Variants in OTUD7A observed in about 807,000 individuals in gnomAD.
OTUD7A encodes OTU domain-containing protein 7A.
In OTUD7A, 12 loss-of-function variants were observed where a neutral mutation model predicts 65.7. That is an observed-to-expected ratio of 0.18 (90% CI 0.12 to 0.30). The LOEUF is 0.30. OTUD7A is among the 10% of genes least tolerant of loss of function. The pLI is 1.00. For synonymous variants in OTUD7A, 641 were observed against 586.3 expected (o/e 1.09, Z -1.35); for missense variants, 1,148 against 1,304.8 (o/e 0.88, Z 1.85).
At chr15:31,694,933 C>T (rs1195225935) in intron 1 of OTUD7A, among the ~76,000 whole-genome samples, 1 of 151,950 alleles carries the variant, frequency 6.6e-6, no homozygotes, top group Non-Finnish European at 1.5e-5. Flanking sequence ...GCAAGCTCCG[C>T]CTGCTGGGTT....
At chr15:31,862,076 C>G (rs554613637) in intron 1 of OTUD7A, among the ~76,000 whole-genome samples, 7 of 152,182 alleles carry the variant, frequency 4.6e-5, no homozygotes, top group African/African-American at 1.4e-4. Context: ...AATGCCAAGA[C>G]CACCCTCTCT....
intron 1 of OTUD7A, among the ~76,000 whole-genome samples, chr15:31,672,402 G>C (rs562981472): frequency 1.2e-4 from 19 of 152,242 alleles, no homozygotes; most frequent in East Asian, 1.9e-4. Flanking sequence ...TATTTGAATG[G>C]AGTTAAAAAG....
At chr15:31,549,133 C>T (rs1399764391) in intron 5 of OTUD7A, among the ~76,000 whole-genome samples, 1 of 124,110 alleles carries the variant, frequency 8.1e-6, no homozygotes, top group Non-Finnish European at 1.6e-5. Flanking sequence ...GAGGCCTTGT[C>T]TCAAAAAAAA....
intron 1 of OTUD7A, chr15:31,689,436 C>T (rs992845387): frequency 6.8e-6 from 1 of 147,738 alleles, no homozygotes; most frequent in African/African-American, 2.5e-5. Context: ...CTGGAAATGG[C>T]CCATTGTTGC....
Position 31,484,819 on chromosome 15 carries a change from C to G in OTUD7A, c.1372-95G>C. The stretch of plus-strand genomic sequence containing the variant: ...ACACCTTGCCCCTGTGTTGCCGAGG[C>G]TAGGGCCCTGGACCTTCACTGTCCC... On this transcript the variant is annotated intron_variant, in intron 12 of 12. Coordinates refer to ENST00000307050, the MANE Select transcript of OTUD7A (RefSeq NM_001382637.1). The surrounding 1 kb of genome is among the most constrained non-coding windows in gnomAD (Gnocchi z 4.5). 1 of 1,496,308 alleles carries G rather than the reference C, an allele frequency of 6.7e-7. No individual in the cohort carries two copies. The highest frequency in any genetic ancestry group is 8.9e-7 in the Non-Finnish European group (1 of 1,125,954). 92.7% of individuals were successfully genotyped at this position (1,496,308 alleles called of 1,614,324 possible). A position where few individuals can be genotyped will look rare whatever the true frequency, so the allele number is the denominator to read the frequency against.
At chr15:31,587,120 ACT>A (rs1362993955) in intron 3 of OTUD7A, among the ~76,000 whole-genome samples, 25 of 151,774 alleles carry the variant, frequency 1.6e-4, no homozygotes, top group Admixed American at 1.6e-3. Context: ...ATCATGCTTG[ACT>A]CTGTTCTTAC....
At chr15:31,603,546 G>C (rs1566939498) in intron 3 of OTUD7A, among the ~76,000 whole-genome samples, 1 of 152,002 alleles carries the variant, frequency 6.6e-6, no homozygotes, top group African/African-American at 2.4e-5. Flanking sequence ...AAAGACTTCA[G>C]GTCTAAAACA....
chr15:31,860,643 ATGTATGTATGTGTG>A (rs1206873555), intron 1 of OTUD7A, among the ~76,000 whole-genome samples: 364 of 113,974 alleles, frequency 3.2e-3, no homozygotes, highest in South Asian at 6.4e-3. Context: ...ATATATATAT[ATGTATGTATGTGTG>A]TATATATAGA....
chr15:31,561,622 T>G (rs1270910878), intron 4 of OTUD7A, among the ~76,000 whole-genome samples: 1 of 152,090 alleles, frequency 6.6e-6, no homozygotes, highest in Non-Finnish European at 1.5e-5. Flanking sequence ...GTTCTAAACA[T>G]GAAATATTTG....
chr15:31,651,615 A>G (rs1221638007), intron 3 of OTUD7A, among the ~76,000 whole-genome samples: 1 of 128,926 alleles, frequency 7.8e-6, no homozygotes, highest in East Asian at 2.9e-4. Flanking sequence ...ACACACACAC[A>G]CACAGCCCTC....
chr15:31,630,498 T>A (rs1274852531), intron 3 of OTUD7A, among the ~76,000 whole-genome samples: 5 of 152,122 alleles, frequency 3.3e-5, no homozygotes, highest in Admixed American at 3.3e-4. Flanking sequence ...TGCTGAGGAG[T>A]GCTTTACTTC....
At chr15:31,868,124 G>A (rs907736831) in intron 1 of OTUD7A, among the ~76,000 whole-genome samples, 1 of 152,192 alleles carries the variant, frequency 6.6e-6, no homozygotes, top group African/African-American at 2.4e-5. Context: ...AAGAAAATCA[G>A]GGCAATTTTT....
At chr15:31,570,717 T>C (rs555241878) in intron 3 of OTUD7A, among the ~76,000 whole-genome samples, 47 of 152,330 alleles carry the variant, frequency 3.1e-4, no homozygotes, top group African/African-American at 1.1e-3. Context: ...GATAGGCTTC[T>C]GAGCTCAGGC....
chr15:31,831,624 C>T (rs564048251), intron 1 of OTUD7A, among the ~76,000 whole-genome samples: 2 of 152,332 alleles, frequency 1.3e-5, no homozygotes, highest in African/African-American at 4.8e-5. Flanking sequence ...TGACCCGATA[C>T]CATTCCTAGG....
intron 1 of OTUD7A, among the ~76,000 whole-genome samples, chr15:31,801,561 C>T (rs958246172): frequency 1.3e-5 from 2 of 152,094 alleles, no homozygotes; most frequent in Non-Finnish European, 2.9e-5. Flanking sequence ...ATTTTTGGTG[C>T]AATAATAACA....
chr15:31,730,781 T>A (rs1449556469), intron 1 of OTUD7A, among the ~76,000 whole-genome samples: 1 of 152,152 alleles, frequency 6.6e-6, no homozygotes, highest in Non-Finnish European at 1.5e-5. Flanking sequence ...AGGATTGCTG[T>A]CATCCCCCAG....
intron 3 of OTUD7A, among the ~76,000 whole-genome samples, chr15:31,651,244 C>T (rs577111917): frequency 6.8e-6 from 1 of 146,448 alleles, no homozygotes; most frequent in East Asian, 2.0e-4. Flanking sequence ...AAGCAAAAAA[C>T]CCACTTGATC....
In OTUD7A at chr15:31,838,956, A is replaced by T. The variant is rs117924815; in HGVS notation, c.-100+31551T>A. On this transcript the variant is annotated intron_variant, in intron 1 of 12. Coordinates refer to ENST00000307050, the MANE Select transcript of OTUD7A (RefSeq NM_001382637.1). Reference sequence around the variant, plus strand: ...AGCCCTTTTCCTTTGAGATCCACAAATACCATAACAGATCCGATGGACTGG... The same window carrying T: ...AGCCCTTTTCCTTTGAGATCCACAATTACCATAACAGATCCGATGGACTGG... Among the ~76,000 whole-genome samples, 1,216 of 152,292 alleles carry T rather than the reference A, an allele frequency of 8.0e-3. 11 individuals are homozygous for T. Among genetic ancestry groups the T allele is most frequent in the South Asian group, 0.015 (70 of 4,816 alleles).
intron 3 of OTUD7A, among the ~76,000 whole-genome samples, chr15:31,621,865 G>GC (rs1566947688): frequency 6.6e-6 from 1 of 151,738 alleles, no homozygotes; most frequent in Non-Finnish European, 1.5e-5. Context: ...TAGCATCGAT[G>GC]GTCTTTTCAA....
Sources: gnomAD v4.1 joint callset for allele counts (sites outside exome capture counted in the v4.1 genomes callset) on GRCh38, gnomAD v4.1.1 for gene constraint, Gnocchi (gnomAD v3.1) non-coding constraint, MANE v1.5 for transcripts, NCBI Gene and HGNC (gene_info 2026-07-23, HGNC 2026-07-21) for gene names.